Variants in ZNF618 observed in about 807,000 individuals in gnomAD.
The protein encoded by ZNF618 is neural precursor cell expressed, developmentally down-regulated 10.
Under a neutral mutation model 103.0 loss-of-function variants are expected in ZNF618, and 34 were observed. That is an observed-to-expected ratio of 0.33 (90% CI 0.25 to 0.44). The LOEUF (loss-of-function observed/expected upper bound fraction) is 0.44, where lower values mean the gene tolerates loss of function less well. Ranked by LOEUF, ZNF618 falls within the 20% of genes least tolerant of loss-of-function variation. The pLI is 1.00. For missense variants in ZNF618, 1,059 were observed against 1,295.4 expected, an observed-to-expected ratio of 0.82 and a Z score of 2.80; for synonymous variants, 551 against 542.2, an observed-to-expected ratio of 1.02 and a Z score of -0.23.
At chr9:114,016,234 G>A in intron 9 of ZNF618, 2 of 1,467,860 alleles carry the variant, frequency 1.4e-6, no homozygotes, top group Non-Finnish European at 1.9e-6. Context: ...AGTGGGTGGG[G>A]GGTGCTTGGG....
chr9:114,019,739 G>T (rs1360315926), intron 10 of ZNF618, among the ~76,000 whole-genome samples: 18 of 152,136 alleles, frequency 1.2e-4, no homozygotes, highest in Admixed American at 1.2e-3. Flanking sequence ...TATTCCAGTA[G>T]GCCTGGGTTC....
intron 3 of ZNF618, among the ~76,000 whole-genome samples, chr9:113,989,883 C>G (rs531813807): frequency 3.0e-4 from 46 of 152,230 alleles, no homozygotes; most frequent in Non-Finnish European, 6.2e-4. Flanking sequence ...CTTGCCTGCC[C>G]CCTGCCCTGG....
In ZNF618 at chr9:113,906,878, C is replaced by T. The variant is rs1831038758; in HGVS notation, c.33+30465C>T. ...GCCAATTTTAGGCATGGCTGGCCCA[C>T]ATATGCAGATGATGTCATCGGAAAT... is the stretch of plus-strand genomic sequence containing the variant. On this transcript the variant is annotated intron_variant, in intron 1 of 14. Transcript: ENST00000374126. 2.0e-5 allele frequency among the ~76,000 whole-genome samples: 3 copies of T among 152,238 alleles called. No individual in the cohort carries two copies. The South Asian group carries it at 6.2e-4, about 32-fold the overall frequency.
In ZNF618 at chr9:113,876,395, C is replaced by T. The variant is rs1225551739; in HGVS notation, c.15C>T (p.Gly5=). The T allele has an allele frequency of 1.4e-5, 17 of 1,197,776 alleles. 1 individual carries two copies. In the East Asian group the frequency reaches 4.9e-4, roughly 34 times the overall value. 74.2% of individuals were successfully genotyped at this position (1,197,776 alleles called of 1,614,324 possible). Residue 5 remains glycine, a synonymous_variant, in exon 1 of 15, where the codon GGC becomes GGT. Coordinates refer to ENST00000374126, the MANE Select transcript of ZNF618 (RefSeq NM_001318042.2). ...CGCACGGACCCATGAACCAGCCGGGCGGCGCGGCGGCTCCGCAGGTACGAC... is the reference window on the plus strand; with the variant it reads ...CGCACGGACCCATGAACCAGCCGGGTGGCGCGGCGGCTCCGCAGGTACGAC... MNQP[G]GAAAPQADGA...
chr9:114,032,353 C>G (rs1459765887), intron 11 of ZNF618, among the ~76,000 whole-genome samples: 1 of 152,198 alleles, frequency 6.6e-6, no homozygotes, highest in African/African-American at 2.4e-5. Context: ...AGACTCAGGC[C>G]CATTTGCCAT....
chr9:113,895,757 T>C (rs991534628), intron 1 of ZNF618, among the ~76,000 whole-genome samples: 10 of 152,236 alleles, frequency 6.6e-5, no homozygotes, highest in South Asian at 2.1e-4. Flanking sequence ...TTATTTGTAG[T>C]CCCTGCTTGG....
At chr9:114,012,155 A>G (rs531738193) in intron 9 of ZNF618, among the ~76,000 whole-genome samples, 27 of 152,216 alleles carry the variant, frequency 1.8e-4, no homozygotes, top group Non-Finnish European at 3.2e-4. Context: ...GACAACCTCC[A>G]TCTCATGTAA....
chr9:113,993,770 T>C (rs1436817194), intron 3 of ZNF618, among the ~76,000 whole-genome samples: 1 of 152,208 alleles, frequency 6.6e-6, no homozygotes, highest in Non-Finnish European at 1.5e-5. Flanking sequence ...TCCCCGATAG[T>C]GGAGACCTGA....
intron 6 of ZNF618, among the ~76,000 whole-genome samples, chr9:114,004,444 T>C (rs1242421377): frequency 6.6e-6 from 1 of 152,182 alleles, no homozygotes; most frequent in African/African-American, 2.4e-5. Flanking sequence ...TTAAAGAACT[T>C]CCCTATTTAT....
At position 114,032,724 on chromosome 9, in the gene ZNF618, C is replaced by T. The variant is rs371788408; in HGVS notation, c.1164C>T (p.Ser388=). 2 of 1,614,022 alleles carry T rather than the reference C, an allele frequency of 1.2e-6. No homozygotes were observed. The highest frequency in any genetic ancestry group is 1.1e-5 in the South Asian group (1 of 91,086). ...AGACGAACAGCAGTTCGCAGAACTC[C>T]AGCGGTGAGTGTGCCCCTTGACAGC... ...FEETNSSSQN[S]SEPYTCGACG... is the part of the protein sequence containing the mutation. The change falls in exon 12 of 15, where the codon TCC becomes TCT. Residue 388 remains serine, a synonymous_variant. Transcript: ENST00000374126.
chr9:113,921,435 C>T (rs1042842532), intron 1 of ZNF618, among the ~76,000 whole-genome samples: 2 of 152,334 alleles, frequency 1.3e-5, no homozygotes, highest in African/African-American at 4.8e-5. Flanking sequence ...TTTAGCCATC[C>T]ACATGTTAGG....
chr9:114,010,174 A>AC (rs1389655198), intron 9 of ZNF618, among the ~76,000 whole-genome samples: 1 of 151,930 alleles, frequency 6.6e-6, no homozygotes, highest in Non-Finnish European at 1.5e-5. Flanking sequence ...GGTGACGCAC[A>AC]CCTATAGCCC....
chr9:113,959,065 C>T (rs814686), intron 1 of ZNF618, among the ~76,000 whole-genome samples: 1 of 151,974 alleles, frequency 6.6e-6, no homozygotes, highest in African/African-American at 2.4e-5. Context: ...CGAGGCAGGC[C>T]GATCACCTGA....
chr9:114,000,212 T>C (rs1264730774), intron 4 of ZNF618, among the ~76,000 whole-genome samples: 1 of 152,124 alleles, frequency 6.6e-6, no homozygotes, highest in Non-Finnish European at 1.5e-5. Context: ...CCTCAGTACC[T>C]GTGGTGTGCC....
At chr9:114,002,811 T>C in intron 6 of ZNF618, 149 bp downstream of exon 6, 4 of 839,752 alleles carry the variant, frequency 4.8e-6, no homozygotes, top group Non-Finnish European at 7.2e-6. Context: ...CAGACCATCC[T>C]TACAAAACCG....
chr9:113,924,421 CTTCT>C (rs1564176643), intron 1 of ZNF618, among the ~76,000 whole-genome samples: 28 of 71,074 alleles, frequency 3.9e-4, no homozygotes, highest in Non-Finnish European at 6.9e-5. Flanking sequence ...TCTTCTTCTT[CTTCT>C]TTTTTTTTTT....
intron 1 of ZNF618, 139 bp from the exon 2 acceptor site, chr9:113,968,978 A>G (rs1242112838): frequency 6.4e-6 from 6 of 934,750 alleles, no homozygotes; most frequent in African/African-American, 1.6e-5. Flanking sequence ...TCCAGCCTGG[A>G]GGAGCGGGAC....
At chr9:113,901,558 G>A (rs558181415) in intron 1 of ZNF618, among the ~76,000 whole-genome samples, 34 of 152,346 alleles carry the variant, frequency 2.2e-4, no homozygotes, top group African/African-American at 8.2e-4. Context: ...GGCCTCATGG[G>A]CTTTTCCGGG....
chr9:113,972,765 A>G (rs1350431507), intron 2 of ZNF618, among the ~76,000 whole-genome samples: 3 of 152,104 alleles, frequency 2.0e-5, no homozygotes, highest in African/African-American at 7.2e-5. Context: ...TATATGTTAA[A>G]CGTCAAGAGA....
Sources: allele counts gnomAD v4.1 joint callset (sites outside exome capture counted in the v4.1 genomes callset), GRCh38; gene constraint gnomAD v4.1.1; transcripts MANE v1.5; gene names NCBI Gene and HGNC (gene_info 2026-07-23, HGNC 2026-07-21).